The following GCNT1 variants were observed in gnomAD, a reference collection of about 807,000 sequenced individuals.
The protein encoded by GCNT1 is glucosaminyl (N-acetyl) transferase 1, also known as beta-1,3-galactosyl-O-glycosyl-glycoprotein beta-1,6-N-acetylglucosaminyltransferase.
GCNT1 carries 16 observed loss-of-function variants against 26.2 expected under a neutral mutation model. The observed-to-expected ratio is 0.61, with a 90% confidence interval of 0.41 to 0.93. The LOEUF is 0.93. Ranked by LOEUF, GCNT1 falls within the 40% of genes least tolerant of loss-of-function variation. The pLI, the probability that GCNT1 is intolerant of heterozygous loss-of-function variation, is 0.00. For synonymous variants in GCNT1, 183 were observed against 190.8 expected (o/e 0.96, Z 0.34); for missense variants, 477 against 526.7 (o/e 0.91, Z 0.92).
chr9:76,405,288 A>AACAC, the GCNT1 span, among the ~76,000 whole-genome samples: 5,814 of 149,694 alleles, frequency 0.039, 219 homozygotes, highest in African/African-American at 0.091. Flanking sequence ...CCTGACCTTC[A>AACAC]ACACACACAC....
At chr9:76,429,580 A>G (rs914927589) in intron 1 of GCNT1, among the ~76,000 whole-genome samples, 1 of 152,104 alleles carries the variant, frequency 6.6e-6, no homozygotes, top group Non-Finnish European at 1.5e-5. Flanking sequence ...TAGTTTATTC[A>G]TATGTGACAG....
intron 2 of GCNT1, among the ~76,000 whole-genome samples, chr9:76,481,206 AAAAT>A (rs1002322594): frequency 8.5e-5 from 13 of 152,228 alleles, no homozygotes; most frequent in African/African-American, 3.1e-4. Flanking sequence ...ACTCCGTCTC[AAAAT>A]AAATAAATAC....
chr9:76,463,283 T>A (rs1413476881), intron 2 of GCNT1, among the ~76,000 whole-genome samples: 1 of 151,448 alleles, frequency 6.6e-6, no homozygotes, highest in Non-Finnish European at 1.5e-5. Context: ...GTTAAAAAAA[T>A]TAAGAATTTG....
intron 2 of GCNT1, among the ~76,000 whole-genome samples, chr9:76,471,866 C>A (rs921792130): frequency 1.3e-5 from 2 of 152,036 alleles, no homozygotes; most frequent in East Asian, 3.9e-4. Context: ...TCTTTTGAGA[C>A]CAGTCTCGCT....
In GCNT1 at chr9:76,504,549, G is replaced by A; in HGVS notation, c.*881G>A. On this transcript the variant is annotated 3_prime_UTR_variant, in exon 4 of 4. Coordinates refer to ENST00000376730, the MANE Select transcript of GCNT1 (RefSeq NM_001490.5). ...TATCTGACTGCCAGTAATTAGTGCA[G>A]AAAACTAAGACAGGATGATACAGGT... is the stretch of plus-strand genomic sequence containing the variant. 2.5e-6 allele frequency: 1 copy of A among 397,586 alleles called. No homozygotes were observed. Among genetic ancestry groups the A allele is most frequent in the East Asian group, 3.7e-5 (1 of 27,004 alleles). 24.6% of individuals were successfully genotyped at this position (397,586 alleles called of 1,614,324 possible).
In GCNT1 at chr9:76,485,260, C is replaced by T. The variant is rs1315449387; in HGVS notation, c.-289-15656C>T. Among the ~76,000 whole-genome samples, 4 of 152,156 alleles carry T rather than the reference C, an allele frequency of 2.6e-5. No individual in the cohort carries two copies. The East Asian group carries it at 5.8e-4, about 22-fold the overall frequency. ...CTATCTCGGCTCACTTCAACCTCCA[C>T]CTCCCAGGTTCAAGTGATTATCCTG... On this transcript the variant is annotated intron_variant, in intron 2 of 3. Coordinates refer to ENST00000376730, the MANE Select transcript of GCNT1 (RefSeq NM_001490.5).
intron 1 of GCNT1, among the ~76,000 whole-genome samples, chr9:76,450,353 C>T (rs917006212): frequency 6.6e-6 from 1 of 152,142 alleles, no homozygotes; most frequent in Non-Finnish European, 1.5e-5. Flanking sequence ...TTTTATCTTT[C>T]TCTGAAAATT....
chr9:76,503,901 T>C lies in GCNT1; in HGVS notation c.*233T>C. On this transcript the variant is annotated 3_prime_UTR_variant, in exon 4 of 4. Coordinates refer to ENST00000376730, the MANE Select transcript of GCNT1 (RefSeq NM_001490.5). Reference sequence around the variant, plus strand: ...ATAGTGGGAGGAGTAAAGGTAGCCTTGAGGCCAGAGCAGGTAGCAAGGCAT... The same window carrying C: ...ATAGTGGGAGGAGTAAAGGTAGCCTCGAGGCCAGAGCAGGTAGCAAGGCAT... 1.9e-6 allele frequency: 1 copy of C among 534,902 alleles called. No individual in the cohort carries two copies. Among genetic ancestry groups the C allele is most frequent in the Non-Finnish European group, 3.5e-6 (1 of 287,510 alleles). The allele number at this position is 534,902 out of a possible 1,614,324, so 33.1% of individuals were successfully genotyped here. A position where few individuals can be genotyped will look rare whatever the true frequency, so the allele number is the denominator to read the frequency against.
chr9:76,417,187 C>G (rs1384702622), upstream of GCNT1, among the ~76,000 whole-genome samples: 4 of 152,192 alleles, frequency 2.6e-5, no homozygotes, highest in African/African-American at 9.7e-5. Flanking sequence ...GCTTTAATAA[C>G]TATGGGTGAA....
chr9:76,450,290 A>G (rs1172910916), intron 1 of GCNT1, among the ~76,000 whole-genome samples: 1 of 152,202 alleles, frequency 6.6e-6, no homozygotes, highest in Non-Finnish European at 1.5e-5. Flanking sequence ...CCCTTATAGC[A>G]TATGCGTAAA....
chr9:76,417,545 T>C (rs1435643963), upstream of GCNT1, among the ~76,000 whole-genome samples: 1 of 152,210 alleles, frequency 6.6e-6, no homozygotes, highest in Non-Finnish European at 1.5e-5. Flanking sequence ...AGTTAAAACT[T>C]CAAAGGGGAA....
the GCNT1 span, chr9:76,394,291 C>T: frequency 4.3e-6 from 4 of 938,114 alleles, 1 homozygote; most frequent in East Asian, 9.4e-5. Context: ...CTGCCTGCCG[C>T]GGGGGCGCAC....
At chr9:76,463,747 A>AGCTTATGG (rs1196827801) in intron 2 of GCNT1, among the ~76,000 whole-genome samples, 1 of 152,046 alleles carries the variant, frequency 6.6e-6, no homozygotes, top group Non-Finnish European at 1.5e-5. Context: ...TGAGCTTATG[A>AGCTTATGG]GCCAAACACA....
At chr9:76,462,660 C>T (rs1038336897) in intron 2 of GCNT1, among the ~76,000 whole-genome samples, 1 of 152,192 alleles carries the variant, frequency 6.6e-6, no homozygotes, top group African/African-American at 2.4e-5. Context: ...ATGGTCTAAA[C>T]ATTTATAAGC....
At chr9:76,415,870 A>C (rs973879158), upstream of GCNT1, among the ~76,000 whole-genome samples, 5 of 152,286 alleles carry the variant, frequency 3.3e-5, no homozygotes, top group East Asian at 5.8e-4. Flanking sequence ...CCCACAAATC[A>C]TTATTCAATG....
intron 2 of GCNT1, among the ~76,000 whole-genome samples, chr9:76,482,479 C>A (rs139528579): frequency 6.6e-6 from 1 of 150,680 alleles, no homozygotes; most frequent in Non-Finnish European, 1.5e-5. Flanking sequence ...AAAAAATTAG[C>A]CGGGCGTGGT....
At chr9:76,498,546 G>T (rs1283231499) in intron 2 of GCNT1, among the ~76,000 whole-genome samples, 1 of 152,096 alleles carries the variant, frequency 6.6e-6, no homozygotes, top group Non-Finnish European at 1.5e-5. Flanking sequence ...GCCAAGGCAG[G>T]CAGATCACCT....
chr9:76,434,498 T>A (rs570559603), intron 1 of GCNT1, among the ~76,000 whole-genome samples: 16 of 152,368 alleles, frequency 1.1e-4, no homozygotes, highest in Admixed American at 9.1e-4. Context: ...AAGCTGCGGA[T>A]GTATGTCACC....
At chr9:76,420,053 T>C (rs1387318232) in intron 1 of GCNT1, 1 of 152,300 alleles carries the variant, frequency 6.6e-6, no homozygotes, top group Non-Finnish European at 1.5e-5. Flanking sequence ...TTAGATGTTA[T>C]CAAAAGTCCA....
Sources: gnomAD v4.1 joint callset for allele counts (sites outside exome capture counted in the v4.1 genomes callset) on GRCh38, gnomAD v4.1.1 for gene constraint, MANE v1.5 for transcripts, NCBI Gene and HGNC (gene_info 2026-07-23, HGNC 2026-07-21) for gene names.